ASAH1: variants seen among roughly 807,000 people sequenced by gnomAD.
ASAH1 encodes acid ceramidase.
A neutral mutation model predicts 59.5 loss-of-function variants in ASAH1; 70 were observed. That is an observed-to-expected ratio of 1.18 (90% confidence interval 0.97 to 1.43). The LOEUF is 1.43. ASAH1 is among the 40% of genes most tolerant of loss of function. The pLI is 0.00. For synonymous variants in ASAH1, 213 were observed against 166.5 expected (o/e 1.28, Z -2.15); for missense variants, 660 against 482.5 (o/e 1.37, Z -3.45).
At chr8:18,073,283 G>GA in intron 2 of ASAH1, 4 of 1,575,568 alleles carry the variant, frequency 2.5e-6, no homozygotes, top group Non-Finnish European at 3.5e-6. Flanking sequence ...GACACTATAT[G>GA]AAAAATGCAA....
chr8:18,075,257 T>G (rs1800354564), intron 2 of ASAH1, among the ~76,000 whole-genome samples: 1 of 152,146 alleles, frequency 6.6e-6, no homozygotes, highest in African/African-American at 2.4e-5. Context: ...CCTCCCAAAG[T>G]GCTGGGATTA....
At chr8:18,057,702 G>C (rs1201263652) in intron 13 of ASAH1, 79 bp from the exon 14 acceptor site, 1 of 965,610 alleles carries the variant, frequency 1.0e-6, no homozygotes, top group Non-Finnish European at 1.5e-6. Context: ...TTCTATACTT[G>C]TAGAATTTGC....
chr8:18,084,017 G>C lies in ASAH1; in HGVS notation c.42C>G (p.Ala14=). The part of the protein sequence containing the change: ...RSCVALVLLA[A]AVSCAVAQHA... Reference sequence around the variant, plus strand: ...GCTGCGCGACGGCACAGCTGACGGCGGCAGCCAGGAGGACTAAGGCGACGC... The same window carrying C: ...GCTGCGCGACGGCACAGCTGACGGCCGCAGCCAGGAGGACTAAGGCGACGC... Residue 14 remains alanine (A), a synonymous_variant, in exon 1 of 14, where the codon GCC becomes GCG. Transcript: ENST00000637790. 1 of 1,598,502 alleles carries C rather than the reference G, an allele frequency of 6.3e-7. No homozygotes were observed. Among genetic ancestry groups the C allele is most frequent in the Non-Finnish European group, 8.5e-7 (1 of 1,179,622 alleles).
At chr8:18,084,451 G>C, upstream of ASAH1, 4 of 1,352,234 alleles carry the variant, frequency 3.0e-6, no homozygotes, top group Non-Finnish European at 3.9e-6. Flanking sequence ...GGTGCAGCCT[G>C]TCCCGCGTAC....
chr8:18,062,499 A>T (rs1041112756), intron 7 of ASAH1, 76 bp from the exon 8 acceptor site: 4 of 1,504,576 alleles, frequency 2.7e-6, no homozygotes, highest in Non-Finnish European at 3.7e-6. Flanking sequence ...AGGGCCAGGC[A>T]TTACACTAGG....
At chr8:18,080,059 G>T (rs551302542) in intron 1 of ASAH1, among the ~76,000 whole-genome samples, 1 of 152,326 alleles carries the variant, frequency 6.6e-6, no homozygotes, top group African/African-American at 2.4e-5. Context: ...TGTTGAATAA[G>T]TGAATGGATT....
At chr8:18,066,998 G>T (rs891876660) in intron 5 of ASAH1, 5 of 373,476 alleles carry the variant, frequency 1.3e-5, no homozygotes, top group South Asian at 1.8e-4. Context: ...GGGCATGATG[G>T]AGCATCGTGG....
In ASAH1 at chr8:18,069,784, T is replaced by C; in HGVS notation, c.303+8A>G. 1 of 1,533,264 alleles carries C rather than the reference T, an allele frequency of 6.5e-7. No homozygotes were observed. The highest frequency in any genetic ancestry group is 9.0e-7 in the Non-Finnish European group (1 of 1,107,730). 95.0% of individuals were successfully genotyped at this position (1,533,264 alleles called of 1,614,324 possible). ...TTAACATTTATTGTGAGAAATAATATCTCTTACCAATTTTTCATCCACCAC... is the reference window on the plus strand; with the variant it reads ...TTAACATTTATTGTGAGAAATAATACCTCTTACCAATTTTTCATCCACCAC... On this transcript the variant is annotated splice_region_variant and intron_variant, in intron 4 of 13. Coordinates refer to ENST00000637790, the MANE Select transcript of ASAH1 (RefSeq NM_177924.5).
Position 18,070,155 on chromosome 8 carries a change from A to AT in ASAH1, c.217-278dup, listed in dbSNP as rs34633455. ...ATCACCATTCCCAGCTAATTTTTGT[A>AT]TTTTTTTTTTTAAGACGGAGTTTTG... On this transcript the variant is annotated intron_variant, in intron 3 of 13. Transcript: ENST00000637790. 0.42 allele frequency among the ~76,000 whole-genome samples: 62,452 copies of AT among 147,278 alleles called. 14,053 individuals are homozygous for AT. Among genetic ancestry groups the AT allele is most frequent in the Admixed American group, 0.52 (7,711 of 14,724 alleles).
chr8:18,062,696 T>C, intron 7 of ASAH1: 1 of 463,188 alleles, frequency 2.2e-6, no homozygotes, highest in Non-Finnish European at 3.9e-6. Flanking sequence ...TTCTTATTTT[T>C]TCAGAAAGGT....
intron 4 of ASAH1, chr8:18,067,685 C>G (rs752881255): frequency 4.4e-5 from 7 of 158,242 alleles, no homozygotes; most frequent in African/African-American, 1.7e-4. Flanking sequence ...AATTCACCCT[C>G]TAGCCACTGG....
intron 2 of ASAH1, among the ~76,000 whole-genome samples, chr8:18,073,437 A>G (rs1038041729): frequency 5.3e-5 from 8 of 152,214 alleles, no homozygotes; most frequent in Admixed American, 3.9e-4. Context: ...TCATAATATC[A>G]GCAACATCAC....
At chr8:18,060,655 G>A (rs973543641) in intron 10 of ASAH1, 4 of 152,272 alleles carry the variant, frequency 2.6e-5, no homozygotes, top group Non-Finnish European at 5.9e-5. Context: ...ACGCAGTGCT[G>A]GCTGAATGAA....
intron 4 of ASAH1, chr8:18,069,530 C>A: frequency 5.2e-6 from 2 of 387,360 alleles, no homozygotes; most frequent in South Asian, 2.7e-5. Flanking sequence ...GAAGGAAATA[C>A]CACACTCCCA....
upstream of ASAH1, chr8:18,084,651 G>T (rs747853735): frequency 1.9e-6 from 3 of 1,612,850 alleles, no homozygotes; most frequent in South Asian, 3.3e-5. Context: ...ATCCACTCGG[G>T]TCCTCCAAGC....
chr8:18,058,819 A>ATT lies in ASAH1; in HGVS notation c.1098+15_1098+16insAA. On this transcript the variant is annotated intron_variant, in intron 13 of 13. Coordinates refer to ENST00000637790, the MANE Select transcript of ASAH1 (RefSeq NM_177924.5). ...CTTTCCCTAAAAGGCAAATATACATATAACATTTAAAATACCTTGTTGAGG... is the reference window on the plus strand; with the variant it reads ...CTTTCCCTAAAAGGCAAATATACATATTTAACATTTAAAATACCTTGTTGAGG... The ATT allele has an allele frequency of 6.3e-7, 1 of 1,599,010 alleles. No homozygotes were observed. Among genetic ancestry groups the ATT allele is most frequent in the Non-Finnish European group, 8.6e-7 (1 of 1,166,232 alleles).
At chr8:18,078,595 C>T (rs1206034550) in intron 1 of ASAH1, among the ~76,000 whole-genome samples, 1 of 152,066 alleles carries the variant, frequency 6.6e-6, no homozygotes, top group Non-Finnish European at 1.5e-5. Context: ...AAGAATTCTA[C>T]AGGGAGACAC....
In ASAH1 at chr8:18,076,907, T is replaced by C. The variant is rs904726387; in HGVS notation, c.79-1320A>G. ...AGCTGTCAAATTTGCCTTACCACAC[T>C]GTAAGTTTCTCACATATGTCTGGCT... On this transcript the variant is annotated intron_variant, in intron 1 of 13. Coordinates refer to ENST00000637790, the MANE Select transcript of ASAH1 (RefSeq NM_177924.5). 2.6e-5 allele frequency among the ~76,000 whole-genome samples: 4 copies of C among 152,394 alleles called. No individual in the cohort carries two copies. In the East Asian group the frequency reaches 7.7e-4, roughly 29 times the overall value.
At chr8:18,081,003 CATT>C (rs1800629280) in intron 1 of ASAH1, among the ~76,000 whole-genome samples, 1 of 152,162 alleles carries the variant, frequency 6.6e-6, no homozygotes, top group Non-Finnish European at 1.5e-5. Context: ...AATATAATAT[CATT>C]ATGCCAGTGA....
Sources: allele counts gnomAD v4.1 joint callset (sites outside exome capture counted in the v4.1 genomes callset), GRCh38; gene constraint gnomAD v4.1.1; transcripts MANE v1.5; gene names NCBI Gene and HGNC (gene_info 2026-07-23, HGNC 2026-07-21).